The following VPS13D variants were observed in gnomAD, a reference collection of about 807,000 sequenced individuals.
VPS13D encodes vacuolar protein sorting 13 homolog D, also known as intermembrane lipid transfer protein VPS13D.
VPS13D carries 187 observed loss-of-function variants against 461.9 expected under a neutral mutation model. The ratio of observed to expected loss-of-function variants is 0.40; its 90% CI spans 0.36 to 0.46. The LOEUF is 0.46. Ranked by LOEUF, VPS13D falls within the 20% of genes least tolerant of loss-of-function variation. The probability of loss-of-function intolerance (pLI) is 0.60; values close to 1 mark genes in which losing one functional copy is unlikely to be tolerated. For missense variants in VPS13D, 4,711 were observed against 5,364.9 expected (o/e 0.88, Z 3.81); for synonymous variants, 1,951 against 1,986.3 (o/e 0.98, Z 0.47).
intron 67 of VPS13D, among the ~76,000 whole-genome samples, chr1:12,483,518 T>G (rs1488216733): frequency 6.6e-6 from 1 of 152,188 alleles, no homozygotes; most frequent in Non-Finnish European, 1.5e-5. Flanking sequence ...AGTGTTGGTC[T>G]AACCCTTCCA....
At position 12,401,667 on chromosome 1, in the gene VPS13D, G is replaced by T; in HGVS notation, c.11844G>T (p.Lys3948Asn). 1.2e-6 allele frequency: 2 copies of T among 1,613,550 alleles called. No homozygotes were observed. Among genetic ancestry groups the T allele is most frequent in the South Asian group, 2.2e-5 (2 of 91,042 alleles). ...TVQIEEKLLL[K>N]LLSFFGYDQA... ...AAATTGAGGAGAAACTGCTCCTCAA[G>T]CTGCTAAGTTTCTTTGGCTACGATC... The change falls in exon 62 of 70, where the codon AAG becomes AAT. Residue 3948 changes from lysine (K) to asparagine (N), a missense_variant. Coordinates refer to ENST00000620676, the MANE Select transcript of VPS13D (RefSeq NM_015378.4).
chr1:12,437,228 T>G (rs1645074102), intron 65 of VPS13D, among the ~76,000 whole-genome samples: 1 of 152,170 alleles, frequency 6.6e-6, no homozygotes. Context: ...ATGAACTGCC[T>G]CCAGCATTTC....
chr1:12,308,385 TGGGTCCCC>T lies in VPS13D; in HGVS notation c.6440-45_6440-38del, dbSNP rs1185873496. ...TTATTTGTTTAGTGCAACCCCTTTT[TGGGTCCCC>T]TTTTCTTCATTACCTCTCTTTCCTT... is the stretch of plus-strand genomic sequence containing the variant. On this transcript the variant is annotated intron_variant, in intron 26 of 69. Coordinates refer to ENST00000620676, the MANE Select transcript of VPS13D (RefSeq NM_015378.4). 8.7e-6 allele frequency: 14 copies of T among 1,603,784 alleles called. No individual in the cohort carries two copies. The Admixed American group carries it at 1.7e-4, about 19-fold the overall frequency.
At chr1:12,295,402 C>T (rs952810167) in intron 24 of VPS13D, among the ~76,000 whole-genome samples, 10 of 152,024 alleles carry the variant, frequency 6.6e-5, no homozygotes, top group African/African-American at 2.4e-4. Flanking sequence ...GAAAAGTCTC[C>T]TCAATTATTT....
chr1:12,381,922 T>TTTTCTTTTCTTTTCTTTC (rs71570104), intron 57 of VPS13D, among the ~76,000 whole-genome samples: 24 of 101,260 alleles, frequency 2.4e-4, no homozygotes, highest in Admixed American at 5.8e-4. Context: ...CTTTCTTTTC[T>TTTTCTTTTCTTTTCTTTC]TTTCTTTCTT....
intron 49 of VPS13D, 92 bp downstream of exon 49, chr1:12,356,616 A>G: frequency 2.0e-6 from 3 of 1,479,990 alleles, no homozygotes; most frequent in Non-Finnish European, 2.7e-6. Flanking sequence ...AAGTAGAAAT[A>G]TACTGTAGAT....
At chr1:12,308,766 C>T in intron 27 of VPS13D, 125 bp downstream of exon 27, 1 of 869,680 alleles carries the variant, frequency 1.1e-6, no homozygotes, top group Non-Finnish European at 1.8e-6. Context: ...TCTCCTCAGC[C>T]TCAGCCTCCC....
At chr1:12,342,747 G>A (rs573260811) in intron 41 of VPS13D, 152 bp from the exon 42 acceptor site, 41 of 794,164 alleles carry the variant, frequency 5.2e-5, no homozygotes, top group Middle Eastern at 8.3e-4. Flanking sequence ...TATAGTTAGC[G>A]ACCCTCAAGG....
chr1:12,505,989 G>T lies in VPS13D; in HGVS notation c.12795-864G>T, dbSNP rs932838539. Among the ~76,000 whole-genome samples the T allele has an allele frequency of 2.0e-5, 3 of 152,216 alleles. No homozygotes were observed. Among genetic ancestry groups the T allele is most frequent in the Admixed American group, 6.5e-5 (1 of 15,288 alleles). The stretch of plus-strand genomic sequence containing the variant: ...GTGGAGCCTGGCTCTGAGCAATTCA[G>T]TTTGCCAGCAGGAGCTCGACTGCCA... On this transcript the variant is annotated intron_variant, in intron 68 of 69. Coordinates refer to ENST00000620676, the MANE Select transcript of VPS13D (RefSeq NM_015378.4). This position sits in a 1 kb window ranked among gnomAD's most constrained non-coding sequence, Gnocchi z 4.2.
chr1:12,368,367 A>T, intron 52 of VPS13D, 101 bp from the exon 53 acceptor site: 1 of 1,392,998 alleles, frequency 7.2e-7, no homozygotes, highest in Non-Finnish European at 9.6e-7. Context: ...GTATTGACTG[A>T]GGCCCAAACA....
In VPS13D at chr1:12,507,969, G is replaced by A. The variant is rs1300737946; in HGVS notation, c.13035+876G>A. ...GCCTGCCCACCTCTGCTCTCTCTAT[G>A]GATCGGAAATAGCGCCAGCCTTATT... On this transcript the variant is annotated intron_variant, in intron 69 of 69. Transcript: ENST00000620676. The surrounding 1 kb of genome is among the most constrained non-coding windows in gnomAD (Gnocchi z 5.3). Among the ~76,000 whole-genome samples the A allele has an allele frequency of 6.6e-6, 1 of 152,238 alleles. No individual in the cohort carries two copies. Among genetic ancestry groups the A allele is most frequent in the Non-Finnish European group, 1.5e-5 (1 of 68,034 alleles).
chr1:12,330,569 T>G (rs1366258488), intron 37 of VPS13D, among the ~76,000 whole-genome samples: 1 of 152,060 alleles, frequency 6.6e-6, no homozygotes, highest in African/African-American at 2.4e-5. Flanking sequence ...CCACAAGCAT[T>G]TTTTTGTTTG....
At chr1:12,385,987 A>G (rs1368760651) in intron 59 of VPS13D, among the ~76,000 whole-genome samples, 198 bp from the exon 60 acceptor site, 1 of 152,210 alleles carries the variant, frequency 6.6e-6, no homozygotes, top group African/African-American at 2.4e-5. Flanking sequence ...GGTGAAGGGT[A>G]TGCCTAGAAA....
chr1:12,485,594 CA>C (rs1557469823), intron 67 of VPS13D, among the ~76,000 whole-genome samples: 1 of 152,200 alleles, frequency 6.6e-6, no homozygotes, highest in Non-Finnish European at 1.5e-5. Flanking sequence ...TGCATTTCAT[CA>C]GTGTTGCTTA....
intron 44 of VPS13D, 135 bp from the exon 45 acceptor site, chr1:12,348,688 G>C (rs959381974): frequency 2.7e-6 from 3 of 1,118,822 alleles, no homozygotes; most frequent in Admixed American, 2.7e-5. Flanking sequence ...ATGGCTTTAG[G>C]GTTTTATGAC....
At chr1:12,302,830 T>A (rs908351669) in intron 25 of VPS13D, among the ~76,000 whole-genome samples, 1 of 149,954 alleles carries the variant, frequency 6.7e-6, no homozygotes, top group African/African-American at 2.4e-5. Flanking sequence ...TGAAAAGAAT[T>A]CCTTTTTTTT....
chr1:12,503,266 G>T (rs1034876897), intron 68 of VPS13D, among the ~76,000 whole-genome samples: 6 of 152,170 alleles, frequency 3.9e-5, no homozygotes, highest in African/African-American at 1.4e-4. Context: ...TCTCTCAGAA[G>T]AAACTTTCTG....
At chr1:12,407,148 C>G (rs6682241) in intron 63 of VPS13D, 1 of 152,064 alleles carries the variant, frequency 6.6e-6, no homozygotes, top group African/African-American at 2.4e-5. Context: ...GGGAAATATC[C>G]CTGTAGTTTT....
chr1:12,432,117 G>A (rs1419792317), intron 65 of VPS13D, among the ~76,000 whole-genome samples: 1 of 152,194 alleles, frequency 6.6e-6, no homozygotes, highest in Non-Finnish European at 1.5e-5. Context: ...GAGCAAGCCA[G>A]GTGCGGTGGC....
Sources: allele counts gnomAD v4.1 joint callset (sites outside exome capture counted in the v4.1 genomes callset), GRCh38; gene constraint gnomAD v4.1.1; non-coding constraint Gnocchi (gnomAD v3.1); transcripts MANE v1.5; gene names NCBI Gene and HGNC (gene_info 2026-07-23, HGNC 2026-07-21).